Variants in MRPL48 observed in about 807,000 individuals in gnomAD.
MRPL48 encodes the protein mitochondrial ribosomal protein L48, also known as large ribosomal subunit protein mL48.
Under a neutral mutation model 32.9 loss-of-function variants are expected in MRPL48, and 16 were observed. That is an observed-to-expected ratio of 0.49 (90% confidence interval 0.33 to 0.74). MRPL48 has a LOEUF of 0.74. MRPL48 is among the 30% of genes least tolerant of loss of function. The pLI is 0.02. For synonymous variants in MRPL48, 94 were observed against 89.2 expected (o/e 1.05, Z -0.31); for missense variants, 206 against 245.3 (o/e 0.84, Z 1.07).
At chr11:73,812,738 A>ATATATATT (rs112576224) in intron 3 of MRPL48, among the ~76,000 whole-genome samples, 4,291 of 141,846 alleles carry the variant, frequency 0.03, 99 homozygotes, top group Middle Eastern at 0.069. Context: ...ATATATATAT[A>ATATATATT]TATTTATTTA....
chr11:73,817,220 T>G (rs927908188), intron 3 of MRPL48, among the ~76,000 whole-genome samples: 1 of 152,166 alleles, frequency 6.6e-6, no homozygotes, highest in East Asian at 1.9e-4. Flanking sequence ...TGAAAAGATA[T>G]GTGGGGATAG....
At chr11:73,826,778 T>TC (rs1431606124) in intron 4 of MRPL48, among the ~76,000 whole-genome samples, 2 of 148,828 alleles carry the variant, frequency 1.3e-5, no homozygotes, top group Admixed American at 6.7e-5. Context: ...TATTTTCTTT[T>TC]TTTTTTTTTT....
chr11:73,850,678 ATTTTTT>A lies in MRPL48; in HGVS notation c.371+5713_371+5718del, dbSNP rs34562115. The A allele has an allele frequency of 4.4e-5, 8 of 183,304 alleles. No individual in the cohort carries two copies. The Admixed American group carries it at 5.1e-4, about 12-fold the overall frequency. 11.4% of individuals were successfully genotyped at this position (183,304 alleles called of 1,614,324 possible). On this transcript the variant is annotated intron_variant, in intron 5 of 7. Transcript: ENST00000310614. ...CTACTTCTGAGGTCTGGGCTATACA[ATTTTTT>A]TTTTTTTTTTGAAACGGAGTCTCGC...
At chr11:73,790,971 G>A (rs1228481843) in intron 1 of MRPL48, among the ~76,000 whole-genome samples, 1 of 138,268 alleles carries the variant, frequency 7.2e-6, no homozygotes, top group African/African-American at 2.7e-5. Context: ...CTGCAGCCCC[G>A]ATATCCCGGG....
At chr11:73,821,908 G>A (rs1947790853) in intron 3 of MRPL48, among the ~76,000 whole-genome samples, 1 of 152,182 alleles carries the variant, frequency 6.6e-6, no homozygotes, top group South Asian at 2.1e-4. Flanking sequence ...ATAAATATTT[G>A]TTGAATGGAT....
chr11:73,820,340 T>G (rs1261896600), intron 3 of MRPL48, among the ~76,000 whole-genome samples: 1 of 152,166 alleles, frequency 6.6e-6, no homozygotes, highest in Admixed American at 6.5e-5. Flanking sequence ...TTCTCCTGCC[T>G]CAGCTTCCTG....
rs144327028 is a variant in MRPL48 at position 73,845,762 on chromosome 11, G to A, written c.371+786G>A. Among the ~76,000 whole-genome samples, 518 of 150,996 alleles carry A rather than the reference G, an allele frequency of 3.4e-3. 1 individual carries two copies. Among genetic ancestry groups the A allele is most frequent in the Non-Finnish European group, 5.8e-3 (392 of 67,752 alleles). On this transcript the variant is annotated intron_variant, in intron 5 of 7. Transcript: ENST00000310614. ...TTCAGCCTGAGTGACGGAGTGAGAC[G>A]CTGTCTCAAAATTTAAAAAAACAAG...
At chr11:73,838,964 A>G (rs751911301) in intron 4 of MRPL48, among the ~76,000 whole-genome samples, 1 of 152,180 alleles carries the variant, frequency 6.6e-6, no homozygotes, top group African/African-American at 2.4e-5. Flanking sequence ...CTATTCTAAA[A>G]TTTTAAAATA....
chr11:73,808,978 C>CA (rs1364854203), intron 3 of MRPL48, among the ~76,000 whole-genome samples: 7 of 151,096 alleles, frequency 4.6e-5, no homozygotes, highest in Admixed American at 4.6e-4. Context: ...CCTGTCTCTA[C>CA]AAAAATTTTT....
chr11:73,805,147 A>AT, intron 2 of MRPL48, 68 bp downstream of exon 2: 1 of 1,324,116 alleles, frequency 7.6e-7, no homozygotes, highest in Non-Finnish European at 1.1e-6. Context: ...TTCACACAGC[A>AT]TTTTTTCATC....
chr11:73,799,180 AC>A (rs1435663801), intron 1 of MRPL48, among the ~76,000 whole-genome samples: 1 of 151,870 alleles, frequency 6.6e-6, no homozygotes, highest in Non-Finnish European at 1.5e-5. Flanking sequence ...ACATGGCAAA[AC>A]CCCATCTCTA....
chr11:73,855,342 G>C (rs892728359), intron 5 of MRPL48, among the ~76,000 whole-genome samples: 1 of 151,746 alleles, frequency 6.6e-6, no homozygotes, highest in African/African-American at 2.4e-5. Flanking sequence ...AGGTGCTCCA[G>C]GGCCTGCCTT....
chr11:73,820,815 T>TC (rs149591437), intron 3 of MRPL48, among the ~76,000 whole-genome samples: 12,431 of 151,974 alleles, frequency 0.082, 645 homozygotes, highest in East Asian at 0.18. Flanking sequence ...TCTAGCTACT[T>TC]CCCCCCCACT....
intron 2 of MRPL48, among the ~76,000 whole-genome samples, chr11:73,806,238 A>G (rs1015864627): frequency 6.6e-6 from 1 of 152,044 alleles, no homozygotes; most frequent in African/African-American, 2.4e-5. Context: ...AAAACCTGCA[A>G]TCTTTACCAT....
chr11:73,841,022 A>G (rs1409942836), intron 4 of MRPL48, among the ~76,000 whole-genome samples: 1 of 152,200 alleles, frequency 6.6e-6, no homozygotes, highest in African/African-American at 2.4e-5. Flanking sequence ...CAGTAATCAT[A>G]TGGGAAGGTG....
intron 4 of MRPL48, among the ~76,000 whole-genome samples, chr11:73,833,347 C>T (rs1948030058): frequency 6.6e-6 from 1 of 150,862 alleles, no homozygotes; most frequent in African/African-American, 2.4e-5. Flanking sequence ...TCTGCAGCCC[C>T]TGGGAGTCTT....
intron 5 of MRPL48, among the ~76,000 whole-genome samples, chr11:73,850,151 G>C (rs1948362496): frequency 6.6e-6 from 1 of 151,186 alleles, no homozygotes; most frequent in African/African-American, 2.4e-5. Flanking sequence ...ACTGTGGCAA[G>C]GTAGTACATG....
chr11:73,832,030 C>T (rs1259805437), intron 4 of MRPL48, among the ~76,000 whole-genome samples: 6 of 149,928 alleles, frequency 4.0e-5, no homozygotes, highest in Non-Finnish European at 8.9e-5. Context: ...CATTTAGTTA[C>T]TTGACCTCAG....
intron 3 of MRPL48, among the ~76,000 whole-genome samples, chr11:73,809,133 C>T (rs1184911877): frequency 6.6e-6 from 1 of 151,846 alleles, no homozygotes; most frequent in Non-Finnish European, 1.5e-5. Context: ...AAGATCCTGT[C>T]TCTTAAATTA....
Sources: allele counts gnomAD v4.1 joint callset (sites outside exome capture counted in the v4.1 genomes callset), GRCh38; gene constraint gnomAD v4.1.1; transcripts MANE v1.5; gene names NCBI Gene and HGNC (gene_info 2026-07-23, HGNC 2026-07-21).